Variants in ACBD6 observed in about 807,000 individuals in gnomAD.
The protein encoded by ACBD6 is acyl-CoA-binding domain-containing protein 6.
A neutral mutation model predicts 37.2 loss-of-function variants in ACBD6; 28 were observed. The ratio of observed to expected loss-of-function variants is 0.75; its 90% CI spans 0.56 to 1.03. The LOEUF (loss-of-function observed/expected upper bound fraction) is 1.03, where lower values mean the gene tolerates loss of function less well. Among genes scored for constraint, ACBD6 ranks in the 50% least tolerant of loss-of-function variants. ACBD6 has a pLI of 0.00. For synonymous variants in ACBD6, 113 were observed against 126.8 expected, an observed-to-expected ratio of 0.89 and a Z score of 0.73; for missense variants, 340 against 337.4, an observed-to-expected ratio of 1.01 and a Z score of -0.06.
chr1:180,305,619 T>G (rs1650323588), intron 7 of ACBD6, among the ~76,000 whole-genome samples: 1 of 152,154 alleles, frequency 6.6e-6, no homozygotes, highest in African/African-American at 2.4e-5. Flanking sequence ...CTGGAGAGGA[T>G]GTGGAGAAAT....
intron 11 of ACBD6, chr1:180,273,900 T>C: frequency 2.1e-6 from 1 of 472,390 alleles, no homozygotes; most frequent in Admixed American, 3.4e-5. Context: ...GTAGCCAGAG[T>C]ATTAGTACAC....
At chr1:180,306,623 A>G (rs1650387749) in intron 7 of ACBD6, among the ~76,000 whole-genome samples, 1 of 152,178 alleles carries the variant, frequency 6.6e-6, no homozygotes, top group South Asian at 2.1e-4. Context: ...ATTCATTTAC[A>G]TTATTGCATG....
intron 6 of ACBD6, among the ~76,000 whole-genome samples, chr1:180,346,238 A>G (rs932312940): frequency 6.6e-6 from 1 of 152,222 alleles, no homozygotes; most frequent in Non-Finnish European, 1.5e-5. Context: ...TAAATAGAAG[A>G]TTTAGGGGCT....
At chr1:180,390,439 T>A (rs930685840) in intron 6 of ACBD6, among the ~76,000 whole-genome samples, 1 of 151,950 alleles carries the variant, frequency 6.6e-6, no homozygotes, top group African/African-American at 2.4e-5. Context: ...GGTAGTGTGA[T>A]GCCTCCAGCT....
At chr1:180,318,663 T>C (rs1650930835) in intron 6 of ACBD6, among the ~76,000 whole-genome samples, 1 of 152,126 alleles carries the variant, frequency 6.6e-6, no homozygotes, top group Non-Finnish European at 1.5e-5. Flanking sequence ...CAAACCCACC[T>C]TCACCGCCAC....
At chr1:180,369,361 T>C (rs1302220718) in intron 6 of ACBD6, among the ~76,000 whole-genome samples, 1 of 152,226 alleles carries the variant, frequency 6.6e-6, no homozygotes, top group Non-Finnish European at 1.5e-5. Context: ...AGATCTGCCG[T>C]TGGTTGATCC....
chr1:180,425,792 TAG>T (rs1648559637), intron 4 of ACBD6, among the ~76,000 whole-genome samples: 1 of 152,208 alleles, frequency 6.6e-6, no homozygotes, highest in Non-Finnish European at 1.5e-5. Context: ...AGGAAAATTT[TAG>T]AGTATAATTT....
intron 3 of ACBD6, among the ~76,000 whole-genome samples, chr1:180,476,612 G>C (rs903743748): frequency 6.6e-6 from 1 of 152,182 alleles, no homozygotes; most frequent in Non-Finnish European, 1.5e-5. Context: ...GATCACCTGA[G>C]GTCGGGAGTT....
intron 6 of ACBD6, among the ~76,000 whole-genome samples, chr1:180,322,522 T>C (rs1651111702): frequency 6.6e-6 from 1 of 152,062 alleles, no homozygotes; most frequent in Admixed American, 6.5e-5. Context: ...TTTCAGCTTC[T>C]ATCTTGTTAT....
At chr1:180,474,797 A>G (rs1557885922) in intron 3 of ACBD6, among the ~76,000 whole-genome samples, 1 of 152,226 alleles carries the variant, frequency 6.6e-6, no homozygotes, top group African/African-American at 2.4e-5. Context: ...AATGGAGAAT[A>G]AAAAAATATC....
At chr1:180,450,072 G>A (rs1017171020) in intron 3 of ACBD6, among the ~76,000 whole-genome samples, 2 of 149,510 alleles carry the variant, frequency 1.3e-5, no homozygotes, top group Non-Finnish European at 3.0e-5. Context: ...ATTTAATACG[G>A]GTACACATAA....
chr1:180,497,430 C>T (rs778626380), intron 1 of ACBD6, among the ~76,000 whole-genome samples: 4 of 152,170 alleles, frequency 2.6e-5, no homozygotes, highest in Non-Finnish European at 5.9e-5. Context: ...TAAGCCACCT[C>T]TGACCATGAA....
At chr1:180,280,303 G>A (rs1010453845) in intron 9 of ACBD6, among the ~76,000 whole-genome samples, 1 of 152,046 alleles carries the variant, frequency 6.6e-6, no homozygotes, top group Non-Finnish European at 1.5e-5. Context: ...CTTATTGTGT[G>A]TGTGGCATTT....
intron 5 of ACBD6, among the ~76,000 whole-genome samples, chr1:180,399,891 T>C (rs1027489649): frequency 4.5e-4 from 6 of 13,190 alleles, no homozygotes; most frequent in South Asian, 1.9e-3. Flanking sequence ...GGTTAAACTA[T>C]TGACAAGAGT....
chr1:180,351,582 G>GTTT (rs59490649), intron 6 of ACBD6, among the ~76,000 whole-genome samples: 1 of 96,990 alleles, frequency 1.0e-5, no homozygotes, highest in African/African-American at 3.6e-5. Context: ...CCGATATTAC[G>GTTT]TTTTTTTTTT....
chr1:180,346,674 A>C (rs1258980884), intron 6 of ACBD6, among the ~76,000 whole-genome samples: 2 of 152,172 alleles, frequency 1.3e-5, no homozygotes, highest in Non-Finnish European at 2.9e-5. Context: ...TGCTTGACCC[A>C]TGGAGACTGT....
At chr1:180,362,493 C>T (rs1652888501) in intron 6 of ACBD6, among the ~76,000 whole-genome samples, 1 of 152,168 alleles carries the variant, frequency 6.6e-6, no homozygotes, top group South Asian at 2.1e-4. Flanking sequence ...TATCCCTATA[C>T]CTTAAATAAA....
intron 6 of ACBD6, among the ~76,000 whole-genome samples, chr1:180,318,718 C>A (rs1415489779): frequency 6.6e-6 from 1 of 152,136 alleles, no homozygotes; most frequent in Non-Finnish European, 1.5e-5. Flanking sequence ...ACTCTCTATG[C>A]CAATTCTGTC....
downstream of ACBD6, among the ~76,000 whole-genome samples, chr1:180,283,962 A>T (rs1339044250): frequency 6.6e-6 from 1 of 152,196 alleles, no homozygotes; most frequent in Non-Finnish European, 1.5e-5. Context: ...CATTTCGGAT[A>T]AGGACTCGTC....
Sources: gnomAD v4.1 joint callset for allele counts (sites outside exome capture counted in the v4.1 genomes callset) on GRCh38, gnomAD v4.1.1 for gene constraint, MANE v1.5 for transcripts, NCBI Gene and HGNC (gene_info 2026-07-23, HGNC 2026-07-21) for gene names.